PIK3R4: variants seen among roughly 807,000 people sequenced by gnomAD.
PIK3R4 encodes the protein phosphoinositide 3-kinase regulatory subunit 4.
A neutral mutation model predicts 136.5 loss-of-function variants in PIK3R4; 46 were observed. The observed-to-expected ratio is 0.34, with a 90% confidence interval of 0.27 to 0.43. The LOEUF is 0.43. Among genes scored for constraint, PIK3R4 ranks in the 20% least tolerant of loss-of-function variants. The pLI is 1.00. For missense variants in PIK3R4, 1,331 were observed against 1,649.5 expected (o/e 0.81, Z 3.35); for synonymous variants, 557 against 566.7 (o/e 0.98, Z 0.24).
intron 17 of PIK3R4, 56 bp downstream of exon 17, chr3:130,681,435 A>G: frequency 6.3e-6 from 7 of 1,117,240 alleles, no homozygotes; most frequent in Non-Finnish European, 9.5e-6. Context: ...AATGCCTGAA[A>G]GTACTTAGGA....
At chr3:130,681,635 T>C (rs764429994) in intron 16 of PIK3R4, 44 bp from the exon 17 acceptor site, 10 of 1,190,110 alleles carry the variant, frequency 8.4e-6, no homozygotes, top group South Asian at 1.3e-5. Context: ...ACAAAAAGAG[T>C]TGGAGAAGAT....
At chr3:130,708,640 T>C (rs964310344) in intron 9 of PIK3R4, 148 bp from the exon 10 acceptor site, 8 of 661,714 alleles carry the variant, frequency 1.2e-5, no homozygotes, top group East Asian at 1.1e-4. Flanking sequence ...AAGTGAAAAA[T>C]AAAGTTAACA....
chr3:130,712,298 A>AC (rs1478687967), intron 9 of PIK3R4, among the ~76,000 whole-genome samples: 5 of 152,202 alleles, frequency 3.3e-5, no homozygotes, highest in Non-Finnish European at 4.4e-5. Flanking sequence ...TAAAAAAAAA[A>AC]AATTATGTAG....
At position 130,708,363 on chromosome 3, in the gene PIK3R4, A is replaced by G. The variant is rs756799308; in HGVS notation, c.2461T>C (p.Leu821=). The change falls in exon 10 of 20, where the codon TTG becomes CTG. Residue 821 remains leucine, a synonymous_variant. Transcript: ENST00000356763. ...HDSSQKGVID[L]AALGITGRQV... ...CTCCCAGTTATGCCTAAAGCTGCCA[A>G]GTCAATTACACCTTTCTGACTACTA... The G allele has an allele frequency of 1.9e-6, 3 of 1,613,866 alleles. No individual in the cohort carries two copies. Among genetic ancestry groups the G allele is most frequent in the Non-Finnish European group, 2.5e-6 (3 of 1,179,796 alleles).
intron 14 of PIK3R4, among the ~76,000 whole-genome samples, chr3:130,688,239 T>C (rs77246146): frequency 0.024 from 3,709 of 152,268 alleles, 141 homozygotes; most frequent in East Asian, 0.1. Flanking sequence ...AACCTGAATA[T>C]ATAAACGAAG....
intron 2 of PIK3R4, among the ~76,000 whole-genome samples, chr3:130,739,328 G>C (rs2066806792): frequency 6.6e-6 from 1 of 152,068 alleles, no homozygotes; most frequent in African/African-American, 2.4e-5. Flanking sequence ...CACCCATCTT[G>C]GCCTCCCAAA....
chr3:130,704,386 C>A (rs1461102696), intron 12 of PIK3R4, among the ~76,000 whole-genome samples: 1 of 152,084 alleles, frequency 6.6e-6, no homozygotes. Context: ...TAAACAATTC[C>A]AAAATATTTA....
At chr3:130,703,074 T>C (rs1359046961) in intron 13 of PIK3R4, among the ~76,000 whole-genome samples, 1 of 152,174 alleles carries the variant, frequency 6.6e-6, no homozygotes, top group African/African-American at 2.4e-5. Context: ...CAGTCTATTC[T>C]CAACATAACA....
At chr3:130,705,963 G>A (rs2066604059) in intron 11 of PIK3R4, among the ~76,000 whole-genome samples, 192 bp from the exon 12 acceptor site, 1 of 145,756 alleles carries the variant, frequency 6.9e-6, no homozygotes, top group African/African-American at 2.5e-5. Context: ...AACCACAAAT[G>A]CTACATTTCC....
chr3:130,690,626 C>A lies in PIK3R4; in HGVS notation c.3127G>T (p.Gly1043Ter). The stretch of plus-strand genomic sequence containing the variant: ...CAGAATGTGAGCGTCTTGACTCGTC[C>A]TCCAATTCGGCTGTATGTAAGAATA... Reference protein sequence around the residue: ...RSILTYSRIGGRVKTLTFCQG... With the variant: ...RSILTYSRIG Residue 1043 changes from glycine to a stop codon, truncating the protein, a stop_gained, in exon 14 of 20, where the codon GGA becomes TGA. Transcript: ENST00000356763. LOFTEE classifies it high-confidence loss of function. 2 of 1,610,014 alleles carry A rather than the reference C, an allele frequency of 1.2e-6. No individual in the cohort carries two copies. The highest frequency in any genetic ancestry group is 1.7e-4 in the Middle Eastern group (1 of 6,040).
chr3:130,711,018 GAA>G (rs112435668), intron 9 of PIK3R4, among the ~76,000 whole-genome samples: 12 of 131,448 alleles, frequency 9.1e-5, no homozygotes, highest in South Asian at 7.0e-4. Flanking sequence ...GAAAAGGAAA[GAA>G]AAAAAAAAAA....
rs552106150 is a variant in PIK3R4 at position 130,722,884 on chromosome 3, G to A, written c.1981+530C>T. The stretch of plus-strand genomic sequence containing the variant: ...AGCCTGGCCAACATGGTAAAACCCC[G>A]TCTCTACTAAAAATACAAAAAAAAA... On this transcript the variant is annotated intron_variant, in intron 7 of 19. Transcript: ENST00000356763. Among the ~76,000 whole-genome samples, 51 of 145,916 alleles carry A rather than the reference G, an allele frequency of 3.5e-4. No individual in the cohort carries two copies. In the South Asian group the frequency reaches 5.0e-3, roughly 14 times the overall value.
At chr3:130,693,220 T>A (rs2066527993) in intron 13 of PIK3R4, among the ~76,000 whole-genome samples, 1 of 152,202 alleles carries the variant, frequency 6.6e-6, no homozygotes, top group Admixed American at 6.5e-5. Context: ...CATTTTATCA[T>A]AATTTCCATT....
intron 13 of PIK3R4, among the ~76,000 whole-genome samples, chr3:130,700,870 G>T (rs6439253): frequency 0.036 from 5,490 of 152,172 alleles, 356 homozygotes; most frequent in African/African-American, 0.13. Flanking sequence ...CCAAGCCAAG[G>T]CCCATGGCTG....
chr3:130,718,532 G>C lies in PIK3R4; in HGVS notation c.1984C>G (p.Pro662Ala), dbSNP rs996475183. 5 of 1,613,504 alleles carry C rather than the reference G, an allele frequency of 3.1e-6. No individual in the cohort carries two copies. Among genetic ancestry groups the C allele is most frequent in the South Asian group, 1.1e-5 (1 of 91,032 alleles). Residue 662 changes from proline to alanine, a missense_variant and splice_region_variant, in exon 8 of 20, where the codon CCC (proline) becomes GCC (alanine). By Grantham distance (27) the Pro-to-Ala change is conservative. Transcript: ENST00000356763. ...CATAAATTGGGATGACACAGGAAGGGGGCTAAAGAGGAAAAGAAAAGGTAG... is the reference window on the plus strand; with the variant it reads ...CATAAATTGGGATGACACAGGAAGGCGGCTAAAGAGGAAAAGAAAAGGTAG... The part of the protein sequence containing the change: ...HVYEFASDIA[P>A]FLCHPNLWIR...
chr3:130,705,848 T>TA, intron 11 of PIK3R4, 77 bp from the exon 12 acceptor site: 1 of 754,306 alleles, frequency 1.3e-6, no homozygotes, highest in South Asian at 1.8e-5. Context: ...TGCATGTTTT[T>TA]ATCTATAAAT....
chr3:130,679,740 T>G (rs919061367), intron 19 of PIK3R4, among the ~76,000 whole-genome samples: 1 of 152,144 alleles, frequency 6.6e-6, no homozygotes, highest in Admixed American at 6.5e-5. Flanking sequence ...CTGTGCATAT[T>G]AACTTTTGCC....
At chr3:130,680,878 C>T in intron 18 of PIK3R4, 99 bp downstream of exon 18, 1 of 764,786 alleles carries the variant, frequency 1.3e-6, no homozygotes, top group Non-Finnish European at 2.2e-6. Context: ...GTATTAACAG[C>T]TGTCCTTATA....
At chr3:130,680,798 C>A in intron 18 of PIK3R4, 77 bp from the exon 19 acceptor site, 1 of 936,088 alleles carries the variant, frequency 1.1e-6, no homozygotes, top group Non-Finnish European at 1.7e-6. Flanking sequence ...TTATCTTCAT[C>A]AATGCATTTT....
Sources: gnomAD v4.1 joint callset for allele counts (sites outside exome capture counted in the v4.1 genomes callset) on GRCh38, gnomAD v4.1.1 for gene constraint, MANE v1.5 for transcripts, NCBI Gene and HGNC (gene_info 2026-07-23, HGNC 2026-07-21) for gene names.